DYNC2H1: variants seen among roughly 807,000 people sequenced by gnomAD.
The protein encoded by DYNC2H1 is dynein cytoplasmic 2 heavy chain 1.
Under a neutral mutation model 570.0 loss-of-function variants are expected in DYNC2H1, and 410 were observed. The ratio of observed to expected loss-of-function variants is 0.72; its 90% CI spans 0.66 to 0.78. DYNC2H1 has a LOEUF of 0.78. DYNC2H1 is among the 30% of genes least tolerant of loss of function. The pLI, the probability that DYNC2H1 is intolerant of heterozygous loss-of-function variation, is 0.00. For synonymous variants in DYNC2H1, 1,688 were observed against 1,677.6 expected, an observed-to-expected ratio of 1.01 and a Z score of -0.15; for missense variants, 4,865 against 5,046.4, an observed-to-expected ratio of 0.96 and a Z score of 1.09.
intron 63 of DYNC2H1, among the ~76,000 whole-genome samples, chr11:103,240,342 C>T (rs1041715014): frequency 2.6e-5 from 4 of 152,218 alleles, no homozygotes; most frequent in East Asian, 1.9e-4. Flanking sequence ...CAAAAGGATT[C>T]GGATTGGTTA....
intron 81 of DYNC2H1, among the ~76,000 whole-genome samples, chr11:103,322,812 T>G (rs1938282012): frequency 6.6e-6 from 1 of 152,190 alleles, no homozygotes; most frequent in Non-Finnish European, 1.5e-5. Context: ...TGAAAGACAC[T>G]GAATGTTTCC....
At chr11:103,457,110 T>C (rs1359601825) in intron 87 of DYNC2H1, among the ~76,000 whole-genome samples, 1 of 152,130 alleles carries the variant, frequency 6.6e-6, no homozygotes, top group Non-Finnish European at 1.5e-5. Context: ...CATTGTAACA[T>C]TTTGGTGCAC....
Position 103,186,568 on chromosome 11 carries a change from G to A in DYNC2H1, c.6893+67G>A. 1 of 1,534,242 alleles carries A rather than the reference G, an allele frequency of 6.5e-7. No homozygotes were observed. ...CCTGCCGCCCCTAATTGATTTAATG[G>A]CTTTTGTTATGTTTCTTTTGGTTAA... is the stretch of plus-strand genomic sequence containing the variant. On this transcript the variant is annotated intron_variant, in intron 42 of 88. Transcript: ENST00000375735. This position sits in a 1 kb window ranked among gnomAD's most constrained non-coding sequence, Gnocchi z 4.5.
At chr11:103,438,966 ACCTCG>A (rs1332567908) in intron 85 of DYNC2H1, among the ~76,000 whole-genome samples, 1 of 151,906 alleles carries the variant, frequency 6.6e-6, no homozygotes, top group African/African-American at 2.4e-5. Flanking sequence ...CAACAATGAG[ACCTCG>A]CCTCTTAAAA....
At chr11:103,398,311 C>T (rs1015838213) in intron 83 of DYNC2H1, among the ~76,000 whole-genome samples, 1 of 151,924 alleles carries the variant, frequency 6.6e-6, no homozygotes, top group Non-Finnish European at 1.5e-5. Flanking sequence ...GACATTTTCC[C>T]CCTCTGGATT....
intron 85 of DYNC2H1, among the ~76,000 whole-genome samples, chr11:103,449,662 T>TTG (rs1944533053): frequency 1.1e-5 from 1 of 90,254 alleles, no homozygotes; most frequent in African/African-American, 7.5e-5. Context: ...TTAGAAATTA[T>TTG]TCATTTTCAT....
intron 82 of DYNC2H1, among the ~76,000 whole-genome samples, chr11:103,350,846 G>A (rs1940018207): frequency 6.6e-6 from 1 of 151,936 alleles, no homozygotes; most frequent in Non-Finnish European, 1.5e-5. Context: ...GAACCCCTAT[G>A]ACCTCATTTA....
At chr11:103,221,771 G>A (rs1461618365) in intron 57 of DYNC2H1, among the ~76,000 whole-genome samples, 7 of 152,096 alleles carry the variant, frequency 4.6e-5, no homozygotes, top group Admixed American at 6.6e-5. Context: ...TGGGAGGATC[G>A]CTTGAGCCCA....
chr11:103,464,603 C>A (rs1945132922), intron 87 of DYNC2H1, among the ~76,000 whole-genome samples: 1 of 152,092 alleles, frequency 6.6e-6, no homozygotes, highest in African/African-American at 2.4e-5. Context: ...CCAAAGTAAT[C>A]ACCATGTTGA....
chr11:103,336,128 G>A (rs963136276), intron 82 of DYNC2H1, among the ~76,000 whole-genome samples: 3 of 152,094 alleles, frequency 2.0e-5, no homozygotes, highest in Non-Finnish European at 4.4e-5. Flanking sequence ...AAAGTAATTG[G>A]CAAAGTATTC....
Position 103,204,769 on chromosome 11 carries a change from C to A in DYNC2H1, c.8312-53C>A. 1 of 1,464,754 alleles carries A rather than the reference C, an allele frequency of 6.8e-7. No individual in the cohort carries two copies. The highest frequency in any genetic ancestry group is 2.5e-5 in the East Asian group (1 of 40,112). The allele number at this position is 1,464,754 out of a possible 1,614,324, so 90.7% of individuals were successfully genotyped here. On this transcript the variant is annotated intron_variant, in intron 51 of 88. Coordinates refer to ENST00000375735, the MANE Select transcript of DYNC2H1 (RefSeq NM_001377.3). The surrounding 1 kb of genome is among the most constrained non-coding windows in gnomAD (Gnocchi z 4.1). Reference sequence around the variant, plus strand: ...TTGAGAAAATTTTGATCTCTTTAACCCAGACCACGTATAGATTGCCTGATT... The same window carrying A: ...TTGAGAAAATTTTGATCTCTTTAACACAGACCACGTATAGATTGCCTGATT...
intron 84 of DYNC2H1, among the ~76,000 whole-genome samples, chr11:103,414,203 A>T (rs1565578371): frequency 1.3e-5 from 2 of 152,228 alleles, no homozygotes; most frequent in Non-Finnish European, 2.9e-5. Context: ...TACAAGTATC[A>T]GGAATTAGAG....
chr11:103,440,952 T>C (rs1944246833), intron 85 of DYNC2H1, among the ~76,000 whole-genome samples: 1 of 152,116 alleles, frequency 6.6e-6, no homozygotes, highest in Admixed American at 6.6e-5. Flanking sequence ...TTGTTCCCAT[T>C]CTTATTGGTT....
At chr11:103,118,718 T>G (rs370515771) in intron 6 of DYNC2H1, among the ~76,000 whole-genome samples, 2 of 152,212 alleles carry the variant, frequency 1.3e-5, no homozygotes, top group African/African-American at 4.8e-5. Context: ...GCAGACAAGG[T>G]GCACCCATTG....
At chr11:103,434,288 A>G (rs1943988777) in intron 84 of DYNC2H1, among the ~76,000 whole-genome samples, 1 of 152,096 alleles carries the variant, frequency 6.6e-6, no homozygotes, top group Non-Finnish European at 1.5e-5. Flanking sequence ...CCATTAGACA[A>G]AAACCACAAA....
chr11:103,192,114 C>T lies in DYNC2H1; in HGVS notation c.7558C>T (p.Leu2520=), dbSNP rs375116927. 1 of 1,523,068 alleles carries T rather than the reference C, an allele frequency of 6.6e-7. No homozygotes were observed. Among genetic ancestry groups the T allele is most frequent in the African/African-American group, 1.4e-5 (1 of 73,236 alleles). The allele number at this position is 1,523,068 out of a possible 1,614,324, so 94.3% of individuals were successfully genotyped here. A position where few individuals can be genotyped will look rare whatever the true frequency, so the allele number is the denominator to read the frequency against. The change falls in exon 47 of 89, where the codon CTA becomes TTA. Residue 2520 remains leucine, a synonymous_variant. Coordinates refer to ENST00000375735, the MANE Select transcript of DYNC2H1 (RefSeq NM_001377.3). ...DLEGGSSNHP[L]DYVLEIVAYE... Reference sequence around the variant, plus strand: ...TTTTCTAGGATCCTCAAACCATCCACTAGATTATGTGTTAGAAATTGTAGC... The same window carrying T: ...TTTTCTAGGATCCTCAAACCATCCATTAGATTATGTGTTAGAAATTGTAGC...
intron 87 of DYNC2H1, among the ~76,000 whole-genome samples, chr11:103,458,790 C>A (rs1944888282): frequency 6.6e-6 from 1 of 151,998 alleles, no homozygotes; most frequent in South Asian, 2.1e-4. Flanking sequence ...GTATCACTAG[C>A]CCCTCTTACA....
At chr11:103,155,301 A>T in intron 24 of DYNC2H1, 30 bp from the exon 25 acceptor site, 1 of 1,537,022 alleles carries the variant, frequency 6.5e-7, no homozygotes, top group East Asian at 2.3e-5. Context: ...GTGTATACAT[A>T]TGACTTTTTC....
intron 63 of DYNC2H1, among the ~76,000 whole-genome samples, chr11:103,238,168 C>A (rs542139273): frequency 6.6e-6 from 1 of 152,014 alleles, no homozygotes; most frequent in Non-Finnish European, 1.5e-5. Flanking sequence ...TCACCATGTA[C>A]GTAAAATTAA....
Sources: gnomAD v4.1 joint callset for allele counts (sites outside exome capture counted in the v4.1 genomes callset) on GRCh38, gnomAD v4.1.1 for gene constraint, Gnocchi (gnomAD v3.1) non-coding constraint, MANE v1.5 for transcripts, NCBI Gene and HGNC (gene_info 2026-07-23, HGNC 2026-07-21) for gene names.